Variants in NPFFR2 observed in about 807,000 individuals in gnomAD.
NPFFR2 encodes the protein G-protein coupled receptor 74.
Under a neutral mutation model 13.1 loss-of-function variants are expected in NPFFR2, and 15 were observed. That is an observed-to-expected ratio of 1.15 (90% CI 0.77 to 1.76). NPFFR2 has a LOEUF of 1.76. Among genes scored for constraint, NPFFR2 ranks in the 40% most tolerant of loss-of-function variants. The pLI is 0.00. For missense variants in NPFFR2, 572 were observed against 503.5 expected, an observed-to-expected ratio of 1.14 and a Z score of -1.30; for synonymous variants, 190 against 175.7, an observed-to-expected ratio of 1.08 and a Z score of -0.65.
intron 1 of NPFFR2, among the ~76,000 whole-genome samples, chr4:72,114,233 C>T (rs1361193422): frequency 1.3e-5 from 2 of 152,072 alleles, no homozygotes; most frequent in African/African-American, 4.8e-5. Context: ...GTAACCAGCA[C>T]ACAGATCAAG....
chr4:72,045,339 C>T (rs1719344789), intron 1 of NPFFR2, among the ~76,000 whole-genome samples: 2 of 152,198 alleles, frequency 1.3e-5, no homozygotes, highest in Non-Finnish European at 1.5e-5. Context: ...TACATTCCCA[C>T]ACCAGGGAGT....
chr4:72,142,583 A>G (rs897082245), intron 3 of NPFFR2, among the ~76,000 whole-genome samples: 6 of 152,174 alleles, frequency 3.9e-5, no homozygotes, highest in Non-Finnish European at 8.8e-5. Flanking sequence ...GAGAATATCT[A>G]CCTCTTTAAA....
At chr4:72,047,167 A>G (rs1719402674) in intron 1 of NPFFR2, among the ~76,000 whole-genome samples, 1 of 102,122 alleles carries the variant, frequency 9.8e-6, no homozygotes, top group African/African-American at 3.3e-5. Flanking sequence ...CAGCCTGGTT[A>G]TGTAAAGAAT....
rs537253254 is a variant in NPFFR2, at chr4:72,058,453, C to A, written c.-8+26253C>A. Among the ~76,000 whole-genome samples, 480 of 151,864 alleles carry A rather than the reference C, an allele frequency of 3.2e-3. 5 individuals are homozygous for A. Among genetic ancestry groups the A allele is most frequent in the African/African-American group, 0.011 (443 of 41,454 alleles). On this transcript the variant is annotated intron_variant, in intron 1 of 3. Coordinates refer to ENST00000308744, the MANE Select transcript of NPFFR2 (RefSeq NM_004885.3). ...TACTTACCCCAGAGGAGTCTGGTTC[C>A]CAAAATTCATTGTGGCTGGAACACT...
At chr4:72,138,965 G>C (rs981375291) in intron 3 of NPFFR2, among the ~76,000 whole-genome samples, 1 of 152,178 alleles carries the variant, frequency 6.6e-6, no homozygotes, top group African/African-American at 2.4e-5. Context: ...TAACTGGTGT[G>C]AGATGGTATC....
chr4:72,042,042 A>C (rs1719235565), intron 1 of NPFFR2, among the ~76,000 whole-genome samples: 1 of 152,106 alleles, frequency 6.6e-6, no homozygotes, highest in Non-Finnish European at 1.5e-5. Flanking sequence ...TTTGAGGTTT[A>C]TAAATTCTTT....
At chr4:72,072,869 A>G (rs1720301022) in intron 1 of NPFFR2, among the ~76,000 whole-genome samples, 2 of 152,080 alleles carry the variant, frequency 1.3e-5, no homozygotes, top group African/African-American at 4.8e-5. Flanking sequence ...TTATCAGCAA[A>G]TTTCTCATCA....
intron 1 of NPFFR2, among the ~76,000 whole-genome samples, chr4:72,051,146 T>G (rs2109765097): frequency 6.6e-6 from 1 of 151,818 alleles, no homozygotes; most frequent in South Asian, 2.1e-4. Flanking sequence ...GATGGCTGGG[T>G]CAAATGGTAT....
chr4:72,063,301 T>C (rs904562504), intron 1 of NPFFR2, among the ~76,000 whole-genome samples: 1 of 152,196 alleles, frequency 6.6e-6, no homozygotes, highest in Non-Finnish European at 1.5e-5. Flanking sequence ...CAAAATTTTA[T>C]GGCAAAACAT....
chr4:72,122,430 C>A (rs1721909977), intron 1 of NPFFR2, among the ~76,000 whole-genome samples: 1 of 152,114 alleles, frequency 6.6e-6, no homozygotes, highest in Non-Finnish European at 1.5e-5. Context: ...ACTCTCCAGC[C>A]CAAATAAAGA....
At chr4:72,085,826 A>G (rs1720753959) in intron 1 of NPFFR2, among the ~76,000 whole-genome samples, 1 of 152,174 alleles carries the variant, frequency 6.6e-6, no homozygotes, top group Non-Finnish European at 1.5e-5. Context: ...ACTAATGGTT[A>G]AAAATTAAAT....
intron 1 of NPFFR2, among the ~76,000 whole-genome samples, chr4:72,117,109 T>A (rs888249968): frequency 6.6e-6 from 1 of 152,102 alleles, no homozygotes; most frequent in Non-Finnish European, 1.5e-5. Context: ...CCTGACCCAG[T>A]TCTATGCCCT....
Position 72,071,972 on chromosome 4 carries a change from G to T in NPFFR2, c.-8+39772G>T, listed in dbSNP as rs146357404. ...TAGAAAGTCACCACTCATGCCCAGG[G>T]GAAGGCACTGGCTCAGAAAAGGCCA... On this transcript the variant is annotated intron_variant, in intron 1 of 3. Transcript: ENST00000308744. 3.8e-3 allele frequency among the ~76,000 whole-genome samples: 582 copies of T among 152,142 alleles called. 3 individuals carry two copies. The highest frequency in any genetic ancestry group is 0.013 in the African/African-American group (559 of 41,508).
intron 2 of NPFFR2, among the ~76,000 whole-genome samples, chr4:72,131,997 GT>G (rs1317802591): frequency 1.3e-5 from 2 of 151,084 alleles, no homozygotes; most frequent in African/African-American, 2.4e-5. Context: ...TCCCAGACAA[GT>G]TTTTTTTTAA....
intron 1 of NPFFR2, among the ~76,000 whole-genome samples, chr4:72,053,497 T>C (rs1433373605): frequency 6.6e-6 from 1 of 151,990 alleles, no homozygotes. Flanking sequence ...TTTAAGCATA[T>C]GCATTTTATA....
At chr4:72,072,299 A>G (rs1720279937) in intron 1 of NPFFR2, among the ~76,000 whole-genome samples, 1 of 152,172 alleles carries the variant, frequency 6.6e-6, no homozygotes, top group South Asian at 2.1e-4. Flanking sequence ...ATGCTGACAG[A>G]ACCAAAGCAA....
At chr4:72,118,311 A>G (rs1310000049) in intron 1 of NPFFR2, among the ~76,000 whole-genome samples, 3 of 152,240 alleles carry the variant, frequency 2.0e-5, no homozygotes, top group Non-Finnish European at 2.9e-5. Context: ...AAAAATGCTT[A>G]GCACTGAGTC....
chr4:72,050,533 G>A (rs1407606540), intron 1 of NPFFR2, among the ~76,000 whole-genome samples: 4 of 151,822 alleles, frequency 2.6e-5, no homozygotes, highest in Non-Finnish European at 4.4e-5. Context: ...ATTCCAACCC[G>A]ACTCTATTAT....
At chr4:72,096,385 A>G (rs1357036870) in intron 1 of NPFFR2, among the ~76,000 whole-genome samples, 3 of 152,224 alleles carry the variant, frequency 2.0e-5, no homozygotes, top group Non-Finnish European at 4.4e-5. Flanking sequence ...ACATGCATTC[A>G]TGATCAAACA....
Sources: gnomAD v4.1 joint callset for allele counts (sites outside exome capture counted in the v4.1 genomes callset) on GRCh38, gnomAD v4.1.1 for gene constraint, MANE v1.5 for transcripts, NCBI Gene and HGNC (gene_info 2026-07-23, HGNC 2026-07-21) for gene names.